MAGI2: variants seen among roughly 807,000 people sequenced by gnomAD.
MAGI2 encodes the protein membrane-associated guanylate kinase, WW and PDZ domain-containing protein 2.
In MAGI2, 35 loss-of-function variants were observed where a neutral mutation model predicts 133.3. That is an observed-to-expected ratio of 0.26 (90% CI 0.20 to 0.35). MAGI2 has a LOEUF of 0.35. Ranked by LOEUF, MAGI2 falls within the 10% of genes least tolerant of loss-of-function variation. The pLI is 1.00. For synonymous variants in MAGI2, 729 were observed against 710.6 expected (o/e 1.03, Z -0.41); for missense variants, 1,636 against 1,863.4 (o/e 0.88, Z 2.25).
At chr7:79,418,725 T>C (rs1846716449) in intron 1 of MAGI2, among the ~76,000 whole-genome samples, 1 of 151,636 alleles carries the variant, frequency 6.6e-6, no homozygotes, top group South Asian at 2.1e-4. Context: ...TAAAATCCCC[T>C]GAACCTGCAA....
At chr7:78,391,220 A>G (rs554963663) in intron 6 of MAGI2, among the ~76,000 whole-genome samples, 1 of 152,342 alleles carries the variant, frequency 6.6e-6, no homozygotes, top group African/African-American at 2.4e-5. Context: ...TCCTTGTACT[A>G]CAGATATAGT....
intron 1 of MAGI2, among the ~76,000 whole-genome samples, chr7:79,428,442 C>T (rs1318794903): frequency 6.6e-6 from 1 of 152,070 alleles, no homozygotes; most frequent in Non-Finnish European, 1.5e-5. Context: ...ATAACTTGTA[C>T]CTTCATGACC....
At chr7:79,112,160 G>GC (rs1818984655) in intron 1 of MAGI2, among the ~76,000 whole-genome samples, 1 of 151,462 alleles carries the variant, frequency 6.6e-6, no homozygotes, top group Admixed American at 6.6e-5. Flanking sequence ...GTTGAAAGGG[G>GC]CCTCAGGCAT....
At chr7:78,924,869 T>TATTATC (rs1799570309) in intron 2 of MAGI2, among the ~76,000 whole-genome samples, 1 of 150,238 alleles carries the variant, frequency 6.7e-6, no homozygotes, top group African/African-American at 2.5e-5. Flanking sequence ...TTATTATTAT[T>TATTATC]ATTATTAGGA....
intron 20 of MAGI2, among the ~76,000 whole-genome samples, chr7:78,081,233 ACAGATTC>A (rs1815936822): frequency 6.6e-6 from 1 of 152,170 alleles, no homozygotes; most frequent in African/African-American, 2.4e-5. Flanking sequence ...ATGCCTCATT[ACAGATTC>A]ATGAGTCTCT....
At chr7:78,768,581 A>C (rs1396171312) in intron 2 of MAGI2, among the ~76,000 whole-genome samples, 1 of 152,210 alleles carries the variant, frequency 6.6e-6, no homozygotes, top group Non-Finnish European at 1.5e-5. Flanking sequence ...GTTACCCTTC[A>C]GTGGAGCAAA....
chr7:78,868,943 C>T (rs982770956), intron 2 of MAGI2, among the ~76,000 whole-genome samples: 32 of 152,152 alleles, frequency 2.1e-4, no homozygotes, highest in Admixed American at 5.2e-4. Flanking sequence ...TTAGTAGAGA[C>T]GGGGTTTCAC....
At chr7:78,364,499 C>A (rs1214836124) in intron 7 of MAGI2, among the ~76,000 whole-genome samples, 2 of 152,142 alleles carry the variant, frequency 1.3e-5, no homozygotes, top group Non-Finnish European at 2.9e-5. Context: ...GAATTGCATA[C>A]AAATAATGTT....
chr7:79,306,255 TTATATTTATA>T (rs1837789338), intron 1 of MAGI2, among the ~76,000 whole-genome samples: 1 of 147,066 alleles, frequency 6.8e-6, no homozygotes, highest in East Asian at 2.0e-4. Context: ...TATATTTTAT[TTATATTTATA>T]TATATTTTAT....
chr7:79,077,918 A>ATT (rs139837959), intron 1 of MAGI2, among the ~76,000 whole-genome samples: 1 of 151,982 alleles, frequency 6.6e-6, no homozygotes, highest in African/African-American at 2.4e-5. Flanking sequence ...TATAGTTTTT[A>ATT]TTTTTTTCCC....
chr7:78,785,113 C>T (rs112044100), intron 2 of MAGI2, among the ~76,000 whole-genome samples: 41 of 152,108 alleles, frequency 2.7e-4, no homozygotes, highest in African/African-American at 8.9e-4. Flanking sequence ...TCAAACGAAA[C>T]AATAAAGTTA....
At chr7:78,564,886 C>A (rs548775031) in intron 3 of MAGI2, among the ~76,000 whole-genome samples, 1 of 149,530 alleles carries the variant, frequency 6.7e-6, no homozygotes, top group South Asian at 2.1e-4. Context: ...CTCCGCCTCC[C>A]GGGTTCAGGC....
intron 2 of MAGI2, among the ~76,000 whole-genome samples, chr7:78,817,676 T>A (rs1275547573): frequency 6.6e-6 from 1 of 152,162 alleles, no homozygotes; most frequent in Non-Finnish European, 1.5e-5. Flanking sequence ...TTAGACATAA[T>A]GCAATTTCAC....
intron 14 of MAGI2, among the ~76,000 whole-genome samples, chr7:78,173,965 C>G (rs542597676): frequency 6.7e-4 from 102 of 152,168 alleles, no homozygotes; most frequent in Middle Eastern, 3.4e-3. Context: ...AATCGGCGCT[C>G]AACAATTGTA....
chr7:78,856,690 C>T lies in MAGI2; in HGVS notation c.418+150400G>A, dbSNP rs146177480. Among the ~76,000 whole-genome samples the T allele has an allele frequency of 5.2e-3, 799 of 152,256 alleles. 5 individuals are homozygous for T. The highest frequency in any genetic ancestry group is 8.2e-3 in the Non-Finnish European group (558 of 68,016). On this transcript the variant is annotated intron_variant, in intron 2 of 21. Transcript: ENST00000354212. ...TAGTTTGAATTCAGGTAGCATGATG[C>T]CTCCAGCTTTTTTCTTTTGGCTTAG...
intron 16 of MAGI2, among the ~76,000 whole-genome samples, chr7:78,147,677 G>A (rs1054422136): frequency 2.1e-4 from 32 of 152,036 alleles, no homozygotes; most frequent in Admixed American, 9.2e-4. Flanking sequence ...AAGATATGCA[G>A]ATGGAAAAAA....
intron 1 of MAGI2, among the ~76,000 whole-genome samples, chr7:79,420,488 C>T (rs1292085163): frequency 6.6e-6 from 1 of 151,838 alleles, no homozygotes; most frequent in Non-Finnish European, 1.5e-5. Context: ...TCACTTTTCT[C>T]AATGTCAACA....
At chr7:78,989,034 T>C (rs1451718693) in intron 2 of MAGI2, among the ~76,000 whole-genome samples, 1 of 152,012 alleles carries the variant, frequency 6.6e-6, no homozygotes, top group African/African-American at 2.4e-5. Context: ...TGTATTTTTG[T>C]TTGCAACTAT....
At chr7:78,572,477 T>C (rs1801602718) in intron 3 of MAGI2, among the ~76,000 whole-genome samples, 1 of 152,056 alleles carries the variant, frequency 6.6e-6, no homozygotes, top group East Asian at 1.9e-4. Context: ...CCAGTATTCA[T>C]ATAATTGTTC....
Sources: gnomAD v4.1 joint callset for allele counts (sites outside exome capture counted in the v4.1 genomes callset) on GRCh38, gnomAD v4.1.1 for gene constraint, MANE v1.5 for transcripts, NCBI Gene and HGNC (gene_info 2026-07-23, HGNC 2026-07-21) for gene names.